The following DIP2C variants were observed in gnomAD, a reference collection of about 807,000 sequenced individuals.
DIP2C encodes disco-interacting protein 2 homolog C.
In DIP2C, 33 loss-of-function variants were observed where a neutral mutation model predicts 192.4. The ratio of observed to expected loss-of-function variants is 0.17; its 90% CI spans 0.13 to 0.23. The LOEUF (loss-of-function observed/expected upper bound fraction) is 0.23. DIP2C is among the 10% of genes least tolerant of loss of function. The pLI, the probability that DIP2C is intolerant of heterozygous loss-of-function variation, is 1.00. For synonymous variants in DIP2C, 979 were observed against 864.1 expected, an observed-to-expected ratio of 1.13 and a Z score of -2.33; for missense variants, 1,537 against 2,110.1, an observed-to-expected ratio of 0.73 and a Z score of 5.32.
intron 1 of DIP2C, among the ~76,000 whole-genome samples, chr10:553,328 G>A (rs908832312): frequency 4.6e-5 from 7 of 152,206 alleles, no homozygotes; most frequent in South Asian, 4.1e-4. Flanking sequence ...CGTGTGTGGC[G>A]CCTGGTCACT....
intron 32 of DIP2C, among the ~76,000 whole-genome samples, chr10:302,503 T>C (rs1956099348): frequency 6.6e-6 from 1 of 152,066 alleles, no homozygotes; most frequent in South Asian, 2.1e-4. Context: ...CTGAGGATCA[T>C]ATGAAACACT....
intron 1 of DIP2C, chr10:664,719 G>A (rs1028012366): frequency 1.3e-5 from 2 of 151,896 alleles, no homozygotes; most frequent in Non-Finnish European, 2.9e-5. Flanking sequence ...TGTATATTCT[G>A]AAATATTTTT....
At chr10:366,034 A>G (rs1266759571) in intron 19 of DIP2C, among the ~76,000 whole-genome samples, 1 of 152,262 alleles carries the variant, frequency 6.6e-6, no homozygotes, top group Non-Finnish European at 1.5e-5. Context: ...AAAAGTAACA[A>G]AAAGGATCCT....
chr10:614,875 G>C (rs1281809159), intron 1 of DIP2C, among the ~76,000 whole-genome samples: 1 of 152,222 alleles, frequency 6.6e-6, no homozygotes, highest in Non-Finnish European at 1.5e-5. Context: ...ACTCCAGCAG[G>C]AGAGGTGTGC....
intron 1 of DIP2C, among the ~76,000 whole-genome samples, chr10:613,347 TATAA>T (rs1292933772): frequency 2.6e-5 from 4 of 152,118 alleles, no homozygotes; most frequent in Non-Finnish European, 5.9e-5. Context: ...TGCGATTTTC[TATAA>T]ATAATGTGCA....
At position 318,789 on chromosome 10, in the gene DIP2C, A is replaced by C. The variant is rs921028614; in HGVS notation, c.3924+8217T>G. On this transcript the variant is annotated intron_variant, in intron 31 of 36. Transcript: ENST00000280886. ...CAACAGCACCTTATTTATTTCCTTC[A>C]CCTAAAAGCAGTGTAGGGGGACAAG... is the stretch of plus-strand genomic sequence containing the variant. Among the ~76,000 whole-genome samples, 24 of 152,062 alleles carry C rather than the reference A, an allele frequency of 1.6e-4. 1 individual carries two copies. Among genetic ancestry groups the C allele is most frequent in the Admixed American group, 3.9e-4 (6 of 15,268 alleles).
intron 2 of DIP2C, among the ~76,000 whole-genome samples, chr10:482,467 GGA>G (rs1843678522): frequency 6.6e-6 from 1 of 152,196 alleles, no homozygotes; most frequent in African/African-American, 2.4e-5. Flanking sequence ...GTGACCTCAT[GGA>G]GAGAGGCTGT....
chr10:429,737 A>T (rs1966838884), intron 4 of DIP2C, among the ~76,000 whole-genome samples: 1 of 151,992 alleles, frequency 6.6e-6, no homozygotes, highest in South Asian at 2.1e-4. Context: ...GCATCCAATA[A>T]TATCCCATTG....
At chr10:588,355 G>A (rs1208318019) in intron 1 of DIP2C, among the ~76,000 whole-genome samples, 1 of 152,262 alleles carries the variant, frequency 6.6e-6, no homozygotes, top group East Asian at 1.9e-4. Flanking sequence ...TGGAAGCTGA[G>A]TCAAATCAGT....
chr10:309,358 A>G (rs1221621944), intron 32 of DIP2C, among the ~76,000 whole-genome samples: 2 of 152,084 alleles, frequency 1.3e-5, no homozygotes, highest in South Asian at 2.1e-4. Context: ...CCTAACCCCT[A>G]TTTCAAGCAT....
At chr10:520,664 G>C (rs1458314322) in intron 1 of DIP2C, among the ~76,000 whole-genome samples, 1 of 152,212 alleles carries the variant, frequency 6.6e-6, no homozygotes, top group African/African-American at 2.4e-5. Context: ...GCTGCTCCCA[G>C]AGCCTGCACT....
intron 1 of DIP2C, among the ~76,000 whole-genome samples, chr10:546,984 CAG>C (rs2130926459): frequency 6.6e-6 from 1 of 152,306 alleles, no homozygotes; most frequent in Non-Finnish European, 1.5e-5. Flanking sequence ...TCTTAAGTGG[CAG>C]AGTTTGTAAG....
At chr10:370,484 ACAG>A (rs2132790996) in intron 17 of DIP2C, among the ~76,000 whole-genome samples, 1 of 152,100 alleles carries the variant, frequency 6.6e-6, no homozygotes, top group South Asian at 2.1e-4. Flanking sequence ...TGCCCACCCC[ACAG>A]CACACACCTC....
At chr10:377,646 T>C (rs2132847212) in intron 17 of DIP2C, among the ~76,000 whole-genome samples, 1 of 152,322 alleles carries the variant, frequency 6.6e-6, no homozygotes, top group Non-Finnish European at 1.5e-5. Flanking sequence ...TCGGATCCAC[T>C]TTGGCTCAGG....
intron 3 of DIP2C, among the ~76,000 whole-genome samples, chr10:457,775 C>G (rs1046133509): frequency 6.6e-6 from 1 of 152,148 alleles, no homozygotes; most frequent in African/African-American, 2.4e-5. Context: ...AGGCTGGTCT[C>G]GAACTCCTGT....
At chr10:668,208 ACATACAACACACT>A (rs1296232752) in intron 1 of DIP2C, 2 of 152,298 alleles carry the variant, frequency 1.3e-5, no homozygotes, top group Non-Finnish European at 2.9e-5. Flanking sequence ...CACAACATAC[ACATACAACACACT>A]CATACAACAC....
intron 1 of DIP2C, among the ~76,000 whole-genome samples, chr10:672,318 C>T (rs1355691817): frequency 6.6e-6 from 1 of 152,182 alleles, no homozygotes; most frequent in Non-Finnish European, 1.5e-5. Flanking sequence ...GAAAACGCCA[C>T]AGACCCACGG....
At chr10:643,436 C>A (rs370980905) in intron 1 of DIP2C, among the ~76,000 whole-genome samples, 20 of 151,186 alleles carry the variant, frequency 1.3e-4, no homozygotes, top group Non-Finnish European at 2.8e-4. Context: ...ATGGCACGAA[C>A]CCGGGAGGCG....
intron 1 of DIP2C, among the ~76,000 whole-genome samples, chr10:570,494 T>C (rs1052205422): frequency 6.6e-6 from 1 of 151,966 alleles, no homozygotes; most frequent in Non-Finnish European, 1.5e-5. Context: ...CTCCACCTCC[T>C]CCTTTACCAG....
Sources: gnomAD v4.1 joint callset for allele counts (sites outside exome capture counted in the v4.1 genomes callset) on GRCh38, gnomAD v4.1.1 for gene constraint, MANE v1.5 for transcripts, NCBI Gene and HGNC (gene_info 2026-07-23, HGNC 2026-07-21) for gene names.